XKR9: variants seen among roughly 807,000 people sequenced by gnomAD.
XKR9 encodes XK-related protein 9.
Under a neutral mutation model 32.0 loss-of-function variants are expected in XKR9, and 32 were observed. That is an observed-to-expected ratio of 1.00 (90% CI 0.76 to 1.34). The LOEUF (loss-of-function observed/expected upper bound fraction) is 1.34, where lower values mean the gene tolerates loss of function less well. Among genes scored for constraint, XKR9 ranks in the 40% most tolerant of loss-of-function variants. The probability of loss-of-function intolerance (pLI) is 0.00; values close to 1 mark genes in which losing one functional copy is unlikely to be tolerated. For synonymous variants in XKR9, 168 were observed against 143.4 expected (o/e 1.17, Z -1.22); for missense variants, 546 against 429.7 (o/e 1.27, Z -2.39).
chr8:70,721,473 C>T (rs576136926), intron 4 of XKR9, among the ~76,000 whole-genome samples: 2 of 152,200 alleles, frequency 1.3e-5, no homozygotes, highest in African/African-American at 4.8e-5. Flanking sequence ...ACTGTTTTAG[C>T]TGTGTCCCAG....
the XKR9 span, among the ~76,000 whole-genome samples, chr8:70,808,703 C>T: frequency 6.6e-6 from 1 of 152,222 alleles, no homozygotes; most frequent in Non-Finnish European, 1.5e-5. Flanking sequence ...TCATTGCTAG[C>T]ACAGCAGTCT....
chr8:71,028,607 A>T, the XKR9 span, among the ~76,000 whole-genome samples: 1 of 152,292 alleles, frequency 6.6e-6, no homozygotes, highest in Non-Finnish European at 1.5e-5. Flanking sequence ...TTTCAAAACA[A>T]TTGAGAGTGA....
the XKR9 span, among the ~76,000 whole-genome samples, chr8:70,984,904 T>C: frequency 6.6e-6 from 1 of 152,236 alleles, no homozygotes; most frequent in Non-Finnish European, 1.5e-5. Context: ...TCTTCATTAA[T>C]TGCTAAATTT....
At chr8:70,713,029 A>T (rs1805971336) in intron 4 of XKR9, among the ~76,000 whole-genome samples, 1 of 152,184 alleles carries the variant, frequency 6.6e-6, no homozygotes, top group South Asian at 2.1e-4. Context: ...TAAAACAAGT[A>T]TCCTATTATG....
At chr8:70,926,673 C>T in the XKR9 span, among the ~76,000 whole-genome samples, 1 of 152,106 alleles carries the variant, frequency 6.6e-6, no homozygotes, top group East Asian at 1.9e-4. Context: ...ACAAAATATG[C>T]ACAGGTCACT....
chr8:70,765,253 T>C (rs954724294), intron 2 of XKR9, among the ~76,000 whole-genome samples: 1 of 152,226 alleles, frequency 6.6e-6, no homozygotes, highest in African/African-American at 2.4e-5. Context: ...CTTCAGCATC[T>C]GCTGTTTCCT....
chr8:70,846,540 C>A, the XKR9 span, among the ~76,000 whole-genome samples: 1 of 151,722 alleles, frequency 6.6e-6, no homozygotes, highest in Non-Finnish European at 1.5e-5. Flanking sequence ...AATAAACAAC[C>A]TTGAATGTAA....
the XKR9 span, among the ~76,000 whole-genome samples, chr8:70,926,655 T>G: frequency 6.6e-6 from 1 of 152,202 alleles, no homozygotes; most frequent in Non-Finnish European, 1.5e-5. Flanking sequence ...TTTTTAGTAA[T>G]CACAAAGACA....
chr8:70,778,452 A>T (rs1490449662), intron 2 of XKR9, among the ~76,000 whole-genome samples: 4 of 152,084 alleles, frequency 2.6e-5, no homozygotes, highest in Non-Finnish European at 5.9e-5. Flanking sequence ...TTCCATATGG[A>T]CTTTGAAATA....
chr8:70,692,406 G>GTTTTTT (rs35834721), intron 3 of XKR9, among the ~76,000 whole-genome samples: 1 of 150,418 alleles, frequency 6.6e-6, no homozygotes. Flanking sequence ...GATGCCCTTT[G>GTTTTTT]TTTTTTTTTC....
the XKR9 span, among the ~76,000 whole-genome samples, chr8:70,898,095 G>T: frequency 6.6e-6 from 1 of 152,158 alleles, no homozygotes; most frequent in Non-Finnish European, 1.5e-5. Context: ...TGTATATGGT[G>T]AGGGATAGGG....
At chr8:70,768,243 C>A (rs1807404739) in intron 2 of XKR9, among the ~76,000 whole-genome samples, 1 of 152,178 alleles carries the variant, frequency 6.6e-6, no homozygotes. Context: ...GAGTGAGTTT[C>A]TTAATCCTGA....
the XKR9 span, among the ~76,000 whole-genome samples, chr8:70,995,523 T>G: frequency 6.6e-6 from 1 of 152,182 alleles, no homozygotes; most frequent in Admixed American, 6.5e-5. Flanking sequence ...ATACACTTCC[T>G]TGCTCTAACA....
At chr8:70,864,391 A>G in the XKR9 span, among the ~76,000 whole-genome samples, 1 of 152,190 alleles carries the variant, frequency 6.6e-6, no homozygotes, top group East Asian at 1.9e-4. Context: ...TCCATGTATG[A>G]TTCTATGAGC....
the XKR9 span, among the ~76,000 whole-genome samples, chr8:70,933,699 G>C: frequency 1.3e-5 from 2 of 152,048 alleles, no homozygotes; most frequent in Non-Finnish European, 2.9e-5. Flanking sequence ...CCCAGACTGA[G>C]TGAATTAGAG....
the XKR9 span, among the ~76,000 whole-genome samples, chr8:70,872,075 C>T: frequency 2.0e-5 from 3 of 152,136 alleles, no homozygotes; most frequent in African/African-American, 7.2e-5. Flanking sequence ...TTGTGCCAAA[C>T]AGCCAAATTG....
the XKR9 span, among the ~76,000 whole-genome samples, chr8:70,956,210 A>G: frequency 6.6e-6 from 1 of 152,180 alleles, no homozygotes; most frequent in Non-Finnish European, 1.5e-5. Context: ...TACATGGACA[A>G]CTGGAGGGTG....
chr8:70,948,458 A>G, the XKR9 span, among the ~76,000 whole-genome samples: 1 of 152,148 alleles, frequency 6.6e-6, no homozygotes, highest in Non-Finnish European at 1.5e-5. Flanking sequence ...CCCACCCAGA[A>G]TCAATAGACC....
At chr8:70,798,475 C>A in the XKR9 span, among the ~76,000 whole-genome samples, 1 of 152,210 alleles carries the variant, frequency 6.6e-6, no homozygotes, top group African/African-American at 2.4e-5. Context: ...AAACAGTTTG[C>A]AAATATTTTC....
Sources: gnomAD v4.1 joint callset for allele counts (sites outside exome capture counted in the v4.1 genomes callset) on GRCh38, gnomAD v4.1.1 for gene constraint, MANE v1.5 for transcripts, NCBI Gene and HGNC (gene_info 2026-07-23, HGNC 2026-07-21) for gene names.